SPG7: variants seen among roughly 807,000 people sequenced by gnomAD.
SPG7 encodes the protein SPG7 matrix AAA peptidase subunit, paraplegin.
SPG7 carries 103 observed loss-of-function variants against 81.9 expected under a neutral mutation model. The observed-to-expected ratio is 1.26, with a 90% CI of 1.07 to 1.48. The LOEUF is 1.48. SPG7 is among the 40% of genes most tolerant of loss of function. The pLI, the probability that SPG7 is intolerant of heterozygous loss-of-function variation, is 0.00. For missense variants in SPG7, 1,241 were observed against 1,087.3 expected (o/e 1.14, Z -1.99); for synonymous variants, 534 against 444.2 (o/e 1.20, Z -2.54).
intron 9 of SPG7, among the ~76,000 whole-genome samples, chr16:89,534,719 G>A (rs947608391): frequency 1.3e-5 from 2 of 152,128 alleles, no homozygotes; most frequent in African/African-American, 2.4e-5. Flanking sequence ...GCGTTGCCAC[G>A]GTAGTCAGAG....
In SPG7 at chr16:89,544,438, C is replaced by T. The variant is rs776337684; in HGVS notation, c.1325-210C>T. 3.6e-5 allele frequency: 21 copies of T among 581,860 alleles called. No individual in the cohort carries two copies. In the African/African-American group the frequency reaches 3.7e-4, roughly 10 times the overall value. 36.0% of individuals were successfully genotyped at this position (581,860 alleles called of 1,614,324 possible). A position where few individuals can be genotyped will look rare whatever the true frequency, so the allele number is the denominator to read the frequency against. On this transcript the variant is annotated intron_variant, in intron 9 of 16. Transcript: ENST00000645818. Reference sequence around the variant, plus strand: ...GGACAGTTCTGCTGTTTGCACTTGTCAAAATAGGCAAATTCCTGTTCCTCC... The same window carrying T: ...GGACAGTTCTGCTGTTTGCACTTGTTAAAATAGGCAAATTCCTGTTCCTCC...
Position 89,557,533 on chromosome 16 carries a change from ATT to A in SPG7, c.*441_*442del. On this transcript the variant is annotated 3_prime_UTR_variant, in exon 17 of 17. Coordinates refer to ENST00000645818, the MANE Select transcript of SPG7 (RefSeq NM_003119.4). ...GGACATGAAAGGACCCTGTGAGCCG[ATT>A]GTCCTATCTCCAGCGGCCCTGTCAT... is the stretch of plus-strand genomic sequence containing the variant. 18 of 217,824 alleles carry A rather than the reference ATT, an allele frequency of 8.3e-5. No homozygotes were observed. Among genetic ancestry groups the A allele is most frequent in the South Asian group, 2.6e-4 (4 of 15,424 alleles). The allele number at this position is 217,824 out of a possible 1,614,324, so 13.5% of individuals were successfully genotyped here. A position where few individuals can be genotyped will look rare whatever the true frequency, so the allele number is the denominator to read the frequency against.
intron 16 of SPG7, chr16:89,555,700 G>A (rs960734851): frequency 2.8e-5 from 11 of 396,878 alleles, no homozygotes; most frequent in African/African-American, 1.6e-4. Context: ...CCTCAGTTGC[G>A]ATTGTCTGAT....
rs780508442 is a variant in SPG7 at position 89,524,127 on chromosome 16, C to T, written c.498C>T (p.Ser166=). The change falls in exon 4 of 17, where the codon TCC becomes TCT. Residue 166 remains serine, a synonymous_variant. Transcript: ENST00000645818. ...NALSTSGGSI[S]WNDFVHEMLA... Reference sequence around the variant, plus strand: ...TCAGCACCAGCGGAGGCAGCATTTCCTGGAACGACTTTGTCCACGAGATGC... The same window carrying T: ...TCAGCACCAGCGGAGGCAGCATTTCTTGGAACGACTTTGTCCACGAGATGC... The T allele has an allele frequency of 6.2e-7, 1 of 1,614,124 alleles. No individual in the cohort carries two copies. Among genetic ancestry groups the T allele is most frequent in the Admixed American group, 1.7e-5 (1 of 60,018 alleles).
At chr16:89,516,735 G>T (rs2058101762) in intron 3 of SPG7, 1 of 151,656 alleles carries the variant, frequency 6.6e-6, no homozygotes, top group South Asian at 2.1e-4. Context: ...CGTGGTGGTG[G>T]GCACCTGTAA....
chr16:89,555,759 T>C (rs746490936), intron 16 of SPG7: 1 of 397,780 alleles, frequency 2.5e-6, no homozygotes, highest in Non-Finnish European at 4.4e-6. Context: ...TGTCCCTGGG[T>C]TTGGTAACTG....
chr16:89,508,655 C>T, intron 1 of SPG7, 55 bp downstream of exon 1: 4 of 1,421,334 alleles, frequency 2.8e-6, no homozygotes, highest in Non-Finnish European at 3.7e-6. Flanking sequence ...CTCTGTAAGG[C>T]CCAGCCCGGC....
At chr16:89,543,227 G>GCC (rs2058520440) in intron 9 of SPG7, 1 of 151,726 alleles carries the variant, frequency 6.6e-6, no homozygotes, top group Non-Finnish European at 1.5e-5. Flanking sequence ...GATTACAGGC[G>GCC]TGAGCCACCG....
At chr16:89,548,652 C>CG (rs1479022946) in intron 12 of SPG7, 3 of 334,424 alleles carry the variant, frequency 9.0e-6, no homozygotes, top group African/African-American at 6.5e-5. Flanking sequence ...GACGGGTGAC[C>CG]GGTGGGCTGA....
At chr16:89,546,610 A>G in intron 10 of SPG7, 48 bp from the exon 11 acceptor site, 1 of 1,141,548 alleles carries the variant, frequency 8.8e-7, no homozygotes, top group Non-Finnish European at 1.3e-6. Context: ...CACCTGTGGC[A>G]GTAACTAGGC....
At chr16:89,512,889 G>A (rs888565348) in intron 2 of SPG7, 59 bp from the exon 3 acceptor site, 2 of 1,598,580 alleles carry the variant, frequency 1.3e-6, no homozygotes, top group Non-Finnish European at 1.7e-6. Flanking sequence ...CTGTTGTCCT[G>A]TATGCCTCCC....
chr16:89,543,032 CCA>C (rs1555615327), intron 9 of SPG7: 17 of 148,922 alleles, frequency 1.1e-4, no homozygotes, highest in Non-Finnish European at 2.1e-4. Flanking sequence ...CCTGCAAGCT[CCA>C]CCCTTCAGGT....
At chr16:89,554,764 G>C (rs2058670338) in intron 16 of SPG7, 2 of 582,596 alleles carry the variant, frequency 3.4e-6, no homozygotes, top group Admixed American at 2.7e-5. Flanking sequence ...GTTCCCCCGA[G>C]GTAGAAAGAA....
At chr16:89,537,511 T>A in intron 9 of SPG7, 5 of 995,684 alleles carry the variant, frequency 5.0e-6, no homozygotes, top group Admixed American at 1.1e-4. Flanking sequence ...CAGAAAAGGC[T>A]GCTGTGAACA....
At chr16:89,538,405 G>C (rs1254048352) in intron 9 of SPG7, 1 of 152,288 alleles carries the variant, frequency 6.6e-6, no homozygotes, top group Non-Finnish European at 1.5e-5. Context: ...AGTGAGCCTG[G>C]GGGACGGATG....
intron 16 of SPG7, chr16:89,556,503 C>T (rs1196317211): frequency 9.2e-6 from 3 of 325,930 alleles, no homozygotes; most frequent in Non-Finnish European, 1.7e-5. Context: ...TTGAGAGGTC[C>T]CAGCTCACAC....
chr16:89,513,763 TA>T (rs2058053603), intron 3 of SPG7, among the ~76,000 whole-genome samples: 1 of 76 alleles, frequency 0.013, no homozygotes, highest in East Asian at 0.5. Context: ...TCAGCGTTGT[TA>T]AGATGGACGC....
intron 13 of SPG7, 57 bp from the exon 14 acceptor site, chr16:89,552,919 TTCC>T (rs1201937599): frequency 6.4e-7 from 1 of 1,561,254 alleles, no homozygotes; most frequent in Non-Finnish European, 8.8e-7. Flanking sequence ...GTCCCACACC[TTCC>T]TCCTCAAAGC....
chr16:89,530,357 G>T, intron 6 of SPG7: 1 of 392,436 alleles, frequency 2.5e-6, no homozygotes, highest in Non-Finnish European at 4.8e-6. Flanking sequence ...TGTTAGCCAG[G>T]GTGGTCTCGA....
Sources: gnomAD v4.1 joint callset for allele counts (sites outside exome capture counted in the v4.1 genomes callset) on GRCh38, gnomAD v4.1.1 for gene constraint, MANE v1.5 for transcripts, NCBI Gene and HGNC (gene_info 2026-07-23, HGNC 2026-07-21) for gene names.